PLEKHM3: variants seen among roughly 807,000 people sequenced by gnomAD.
PLEKHM3 encodes the protein pleckstrin homology domain-containing family M member 3.
A neutral mutation model predicts 81.8 loss-of-function variants in PLEKHM3; 45 were observed. That is an observed-to-expected ratio of 0.55 (90% CI 0.43 to 0.71). The LOEUF (loss-of-function observed/expected upper bound fraction) is 0.71. Ranked by LOEUF, PLEKHM3 falls within the 30% of genes least tolerant of loss-of-function variation. The probability of loss-of-function intolerance (pLI) is 0.00; values close to 1 mark genes in which losing one functional copy is unlikely to be tolerated. For missense variants in PLEKHM3, 788 were observed against 924.3 expected (o/e 0.85, Z 1.91); for synonymous variants, 352 against 356.4 (o/e 0.99, Z 0.14).
chr2:207,985,154 A>G (rs1489225810), intron 2 of PLEKHM3, among the ~76,000 whole-genome samples: 3 of 151,184 alleles, frequency 2.0e-5, no homozygotes, highest in African/African-American at 7.3e-5. Flanking sequence ...CCATCAGCTG[A>G]CCAAATCACC....
chr2:207,980,883 C>T (rs965468952), intron 2 of PLEKHM3, among the ~76,000 whole-genome samples: 1 of 152,036 alleles, frequency 6.6e-6, no homozygotes, highest in African/African-American at 2.4e-5. Flanking sequence ...AATCCCAGCA[C>T]TTTGGGAGGC....
chr2:208,001,763 T>C lies in PLEKHM3; in HGVS notation c.-124A>G, dbSNP rs751458113. The C allele has an allele frequency of 5.4e-5, 79 of 1,473,898 alleles. No homozygotes were observed. Among genetic ancestry groups the C allele is most frequent in the Non-Finnish European group, 4.8e-5 (53 of 1,110,880 alleles). 91.3% of individuals were successfully genotyped at this position (1,473,898 alleles called of 1,614,324 possible). A position where few individuals can be genotyped will look rare whatever the true frequency, so the allele number is the denominator to read the frequency against. On this transcript the variant is annotated 5_prime_UTR_variant, in exon 2 of 8. It removes an upstream start codon present in the reference 5' UTR. Transcript: ENST00000427836. ...TGGAAACAACTGGAAGAAACCTTCATTGGGCTCCCTGGAGCAGGCCAAACC... is the reference window on the plus strand; with the variant it reads ...TGGAAACAACTGGAAGAAACCTTCACTGGGCTCCCTGGAGCAGGCCAAACC...
chr2:207,993,493 A>G (rs1160534547), intron 2 of PLEKHM3, among the ~76,000 whole-genome samples: 3 of 150,024 alleles, frequency 2.0e-5, no homozygotes, highest in African/African-American at 7.4e-5. Context: ...TATAAGTCCC[A>G]AATTTGGCTT....
At chr2:207,948,477 T>C (rs1227848528) in intron 3 of PLEKHM3, among the ~76,000 whole-genome samples, 3 of 147,862 alleles carry the variant, frequency 2.0e-5, no homozygotes, top group African/African-American at 7.5e-5. Flanking sequence ...TGCCTCAGCC[T>C]CCCGAGTAGC....
In PLEKHM3 at chr2:207,827,092, A is replaced by G. The variant is rs185143071; in HGVS notation, c.*1227T>C. On this transcript the variant is annotated 3_prime_UTR_variant, in exon 8 of 8. Coordinates refer to ENST00000427836, the MANE Select transcript of PLEKHM3 (RefSeq NM_001080475.3). Reference sequence around the variant, plus strand: ...AGGTGGCAATTATATATGTGTGTGTATATATATATATTTATTTAAATAATA... The same window carrying G: ...AGGTGGCAATTATATATGTGTGTGTGTATATATATATTTATTTAAATAATA... 4 of 151,486 alleles carry G rather than the reference A, an allele frequency of 2.6e-5. No individual in the cohort carries two copies. Among genetic ancestry groups the G allele is most frequent in the South Asian group, 2.1e-4 (1 of 4,822 alleles). The allele number at this position is 151,486 out of a possible 1,614,324, so 9.4% of individuals were successfully genotyped here. A position where few individuals can be genotyped will look rare whatever the true frequency, so the allele number is the denominator to read the frequency against.
chr2:207,962,437 C>T (rs752171506), intron 3 of PLEKHM3, among the ~76,000 whole-genome samples: 25 of 152,216 alleles, frequency 1.6e-4, no homozygotes, highest in Non-Finnish European at 3.4e-4. Context: ...ACCTTCTAGT[C>T]TCTTCATTTG....
At chr2:208,015,339 T>C (rs1574493585) in intron 1 of PLEKHM3, among the ~76,000 whole-genome samples, 2 of 152,202 alleles carry the variant, frequency 1.3e-5, no homozygotes, top group African/African-American at 2.4e-5. Flanking sequence ...TACATGAACA[T>C]GGTGCTTCAA....
intron 3 of PLEKHM3, among the ~76,000 whole-genome samples, chr2:207,962,922 A>AT (rs1277348948): frequency 2.8e-5 from 3 of 106,666 alleles, no homozygotes; most frequent in East Asian, 2.4e-4. Context: ...ATAGTCAAAA[A>AT]TTAAAAAAAA....
chr2:207,959,687 C>T (rs932874408), intron 3 of PLEKHM3, among the ~76,000 whole-genome samples: 2 of 152,178 alleles, frequency 1.3e-5, no homozygotes, highest in African/African-American at 4.8e-5. Context: ...CTAAAACCTC[C>T]TAAAAAACCC....
chr2:207,984,904 T>A (rs1458064450), intron 2 of PLEKHM3, among the ~76,000 whole-genome samples: 1 of 152,174 alleles, frequency 6.6e-6, no homozygotes, highest in Non-Finnish European at 1.5e-5. Flanking sequence ...GTTTCCCATG[T>A]TTTCTGTCAA....
In PLEKHM3 at chr2:207,977,113, T is replaced by A. The variant is rs752515236; in HGVS notation, c.1084A>T (p.Ile362Phe). 9 of 1,614,236 alleles carry A rather than the reference T, an allele frequency of 5.6e-6. No homozygotes were observed. The highest frequency in any genetic ancestry group is 7.6e-6 in the Non-Finnish European group (9 of 1,180,046). ...CTGTAGAGAGTCCCTGATTTGAGGA[T>A]GTTTTGGTACTGTTTGGAGCTGTCC... ...VLDSSKQYQN[I>F]LKSGTLYRLT... is the part of the protein sequence containing the mutation. The change falls in exon 3 of 8, where the codon ATC becomes TTC. Residue 362 changes from isoleucine (I) to phenylalanine (F), a missense_variant. Coordinates refer to ENST00000427836, the MANE Select transcript of PLEKHM3 (RefSeq NM_001080475.3).
rs2092236957 is a variant in PLEKHM3, at chr2:207,824,397, T to A, written c.*3922A>T. 6.6e-6 allele frequency: 1 copy of A among 152,176 alleles called. No homozygotes were observed. Among genetic ancestry groups the A allele is most frequent in the Admixed American group, 6.5e-5 (1 of 15,286 alleles). 9.4% of individuals were successfully genotyped at this position (152,176 alleles called of 1,614,324 possible). A position where few individuals can be genotyped will look rare whatever the true frequency, so the allele number is the denominator to read the frequency against. On this transcript the variant is annotated 3_prime_UTR_variant, in exon 8 of 8. Coordinates refer to ENST00000427836, the MANE Select transcript of PLEKHM3 (RefSeq NM_001080475.3). ...CAGGAGGTGAAGATCTGTTTCATAA[T>A]CTAGTGATTTCAAGAGAGTGTGTCA...
rs1166535006 is a variant in PLEKHM3 at position 207,929,902 on chromosome 2, A to G, written c.1886+1024T>C. The stretch of plus-strand genomic sequence containing the variant: ...TCTTAGGCAGGTAGGCTTACCTCCA[A>G]AAACATTTAACATGACTAATGCATG... On this transcript the variant is annotated intron_variant, in intron 5 of 7. Coordinates refer to ENST00000427836, the MANE Select transcript of PLEKHM3 (RefSeq NM_001080475.3). The G allele has an allele frequency of 5.7e-6, 4 of 700,852 alleles. No homozygotes were observed. The Admixed American group carries it at 8.0e-5, about 14-fold the overall frequency. 43.4% of individuals were successfully genotyped at this position (700,852 alleles called of 1,614,324 possible). A position where few individuals can be genotyped will look rare whatever the true frequency, so the allele number is the denominator to read the frequency against.
intron 2 of PLEKHM3, among the ~76,000 whole-genome samples, chr2:207,983,702 T>C (rs1373671688): frequency 6.6e-6 from 1 of 152,192 alleles, no homozygotes; most frequent in Non-Finnish European, 1.5e-5. Flanking sequence ...TCCTCGTCTT[T>C]ACAGTATCCA....
chr2:207,986,838 A>ATTTTTTTTTTTTTT (rs370986896), intron 2 of PLEKHM3, among the ~76,000 whole-genome samples: 1 of 126,300 alleles, frequency 7.9e-6, no homozygotes, highest in Non-Finnish European at 1.6e-5. Context: ...TGCCCAGCTA[A>ATTTTTTTTTTTTTT]TTTTTTTTTT....
intron 5 of PLEKHM3, among the ~76,000 whole-genome samples, chr2:207,909,754 CA>C (rs752295005): frequency 5.3e-5 from 8 of 152,142 alleles, no homozygotes; most frequent in Non-Finnish European, 1.2e-4. Context: ...GAAAACAAAA[CA>C]AAAACTCTCT....
chr2:207,865,781 CAAAAAA>C (rs71412445), intron 6 of PLEKHM3, among the ~76,000 whole-genome samples: 55 of 3,790 alleles, frequency 0.015, no homozygotes, highest in African/African-American at 0.038. Context: ...AACTCCGACT[CAAAAAA>C]AAAAAAAAAA....
chr2:207,860,964 A>G, intron 7 of PLEKHM3, 141 bp downstream of exon 7: 1 of 956,270 alleles, frequency 1.0e-6, no homozygotes, highest in Non-Finnish European at 1.5e-6. Context: ...AGGGGGAAAC[A>G]TGTTCTCCAA....
At chr2:207,853,825 C>T (rs2092425129) in intron 7 of PLEKHM3, among the ~76,000 whole-genome samples, 1 of 152,104 alleles carries the variant, frequency 6.6e-6, no homozygotes, top group Admixed American at 6.5e-5. Context: ...GGCTGGAGTG[C>T]AGTGGCACGA....
Sources: gnomAD v4.1 joint callset for allele counts (sites outside exome capture counted in the v4.1 genomes callset) on GRCh38, gnomAD v4.1.1 for gene constraint, MANE v1.5 for transcripts, NCBI Gene and HGNC (gene_info 2026-07-23, HGNC 2026-07-21) for gene names.